ADCY8: variants seen among roughly 807,000 people sequenced by gnomAD.
The protein encoded by ADCY8 is adenylate cyclase 8.
Under a neutral mutation model 119.7 loss-of-function variants are expected in ADCY8, and 51 were observed. The ratio of observed to expected loss-of-function variants is 0.43; its 90% CI spans 0.34 to 0.54. The LOEUF is 0.54. ADCY8 is among the 20% of genes least tolerant of loss of function. ADCY8 has a pLI of 0.03. For synonymous variants in ADCY8, 665 were observed against 651.0 expected (o/e 1.02, Z -0.33); for missense variants, 1,383 against 1,598.8 (o/e 0.87, Z 2.30).
intron 2 of ADCY8, among the ~76,000 whole-genome samples, chr8:130,954,592 C>T (rs1586602679): frequency 6.6e-6 from 1 of 152,164 alleles, no homozygotes; most frequent in African/African-American, 2.4e-5. Context: ...GAAATTCTGG[C>T]CTATCCTGTG....
chr8:130,974,547 GT>G lies in ADCY8; in HGVS notation c.1110+15845del, dbSNP rs565282370. On this transcript the variant is annotated intron_variant, in intron 2 of 17. Coordinates refer to ENST00000286355, the MANE Select transcript of ADCY8 (RefSeq NM_001115.3). ...CAGACTGTAATAACTATAAAGGTAA[GT>G]TTTTTTGTGAAGATTTCATTTGTTT... 6.6e-5 allele frequency among the ~76,000 whole-genome samples: 10 copies of G among 152,276 alleles called. No individual in the cohort carries two copies. The South Asian group carries it at 2.1e-3, about 32-fold the overall frequency.
chr8:130,904,126 C>G, intron 6 of ADCY8, 84 bp from the exon 7 acceptor site: 1 of 1,357,502 alleles, frequency 7.4e-7, no homozygotes, highest in Admixed American at 2.3e-5. Context: ...AAAACCAACA[C>G]CAGGGTTACA....
chr8:130,953,322 C>T (rs1386384797), intron 2 of ADCY8, among the ~76,000 whole-genome samples: 1 of 152,210 alleles, frequency 6.6e-6, no homozygotes, highest in Non-Finnish European at 1.5e-5. Context: ...CTAATCATCA[C>T]AGTTCCTCAT....
intron 2 of ADCY8, among the ~76,000 whole-genome samples, chr8:130,966,578 A>G (rs1024813267): frequency 6.6e-6 from 1 of 152,194 alleles, no homozygotes; most frequent in Non-Finnish European, 1.5e-5. Context: ...CAAGTATCTA[A>G]CCCTAAAAGG....
intron 1 of ADCY8, among the ~76,000 whole-genome samples, chr8:131,035,911 A>G (rs1178364263): frequency 6.6e-6 from 1 of 152,176 alleles, no homozygotes. Context: ...AAGCAGAATG[A>G]TGAGCTAGCT....
At chr8:130,990,309 G>T in intron 2 of ADCY8, 84 bp downstream of exon 2, 1 of 1,498,896 alleles carries the variant, frequency 6.7e-7, no homozygotes, top group Non-Finnish European at 9.0e-7. Flanking sequence ...AAGTCAGGAC[G>T]TGTTTGGGAG....
chr8:130,966,769 T>C (rs995781930), intron 2 of ADCY8, among the ~76,000 whole-genome samples: 37 of 152,306 alleles, frequency 2.4e-4, no homozygotes, highest in African/African-American at 8.7e-4. Flanking sequence ...CCTGTGTGAA[T>C]TGCAGATGAT....
chr8:131,021,535 C>T (rs1242279077), intron 1 of ADCY8, among the ~76,000 whole-genome samples: 3 of 152,168 alleles, frequency 2.0e-5, no homozygotes, highest in Non-Finnish European at 2.9e-5. Flanking sequence ...TGGCTGTGTA[C>T]CCACTCAAAT....
At chr8:130,832,552 A>G (rs1399462859) in intron 12 of ADCY8, among the ~76,000 whole-genome samples, 2 of 152,186 alleles carry the variant, frequency 1.3e-5, no homozygotes, top group Non-Finnish European at 2.9e-5. Flanking sequence ...GCTGAGATGG[A>G]AGGCTGGCTG....
intron 14 of ADCY8, among the ~76,000 whole-genome samples, chr8:130,805,750 C>T (rs1312964223): frequency 6.6e-6 from 1 of 152,168 alleles, no homozygotes; most frequent in Non-Finnish European, 1.5e-5. Flanking sequence ...TGGGACTGAG[C>T]TAATTTGTCT....
intron 1 of ADCY8, among the ~76,000 whole-genome samples, chr8:131,033,974 A>AT (rs919217527): frequency 4.6e-5 from 7 of 152,094 alleles, no homozygotes; most frequent in African/African-American, 9.7e-5. Context: ...AGCCGACATT[A>AT]TTTTTTTAAA....
intron 1 of ADCY8, among the ~76,000 whole-genome samples, chr8:131,029,605 T>A (rs1823933611): frequency 1.3e-5 from 2 of 152,330 alleles, no homozygotes; most frequent in Admixed American, 1.3e-4. Context: ...CAAATACCCA[T>A]GAATAATTCA....
chr8:131,004,577 C>T, intron 1 of ADCY8, among the ~76,000 whole-genome samples: 1 of 152,170 alleles, frequency 6.6e-6, no homozygotes, highest in East Asian at 1.9e-4. Flanking sequence ...TCTGTTAGCC[C>T]CAGTGCTTTG....
At chr8:130,816,133 G>A (rs866171596) in intron 13 of ADCY8, among the ~76,000 whole-genome samples, 12 of 152,236 alleles carry the variant, frequency 7.9e-5, no homozygotes, top group South Asian at 2.1e-4. Context: ...TCAGTGGATG[G>A]CAAAAGTATG....
intron 5 of ADCY8, among the ~76,000 whole-genome samples, chr8:130,920,807 C>T (rs1820278906): frequency 6.6e-6 from 1 of 152,178 alleles, no homozygotes; most frequent in African/African-American, 2.4e-5. Flanking sequence ...TGTGTGTGGG[C>T]TTTACACAGT....
Position 130,907,516 on chromosome 8 carries a change from T to C in ADCY8, c.1640+2192A>G, listed in dbSNP as rs77809098. Among the ~76,000 whole-genome samples, 1,013 of 152,298 alleles carry C rather than the reference T, an allele frequency of 6.7e-3. 14 individuals carry two copies. Among genetic ancestry groups the C allele is most frequent in the African/African-American group, 0.023 (969 of 41,556 alleles). On this transcript the variant is annotated intron_variant, in intron 6 of 17. Transcript: ENST00000286355. ...CGTGCTTTATAAGCACTATCATATT[T>C]GAAACTACATTTTTAAGGCGGATAA...
At chr8:130,930,913 C>A (rs2130609332) in intron 5 of ADCY8, among the ~76,000 whole-genome samples, 1 of 152,116 alleles carries the variant, frequency 6.6e-6, no homozygotes, top group South Asian at 2.1e-4. Flanking sequence ...TTTTATCTTT[C>A]TGTTCTCCTT....
At chr8:130,889,258 ATG>A (rs1586536940) in intron 7 of ADCY8, among the ~76,000 whole-genome samples, 2 of 152,090 alleles carry the variant, frequency 1.3e-5, no homozygotes, top group Non-Finnish European at 2.9e-5. Context: ...TCTTTTGTTC[ATG>A]TCTTTGTCCC....
At chr8:131,002,387 A>G (rs935411891) in intron 1 of ADCY8, among the ~76,000 whole-genome samples, 1 of 152,204 alleles carries the variant, frequency 6.6e-6, no homozygotes, top group African/African-American at 2.4e-5. Context: ...CGCGAAGGTT[A>G]AACTCTTTAA....
Sources: allele counts gnomAD v4.1 joint callset (sites outside exome capture counted in the v4.1 genomes callset), GRCh38; gene constraint gnomAD v4.1.1; transcripts MANE v1.5; gene names NCBI Gene and HGNC (gene_info 2026-07-23, HGNC 2026-07-21).